Variants in HDAC9 observed in about 807,000 individuals in gnomAD.
The protein encoded by HDAC9 is MEF-2 interacting transcription repressor (MITR) protein.
Under a neutral mutation model 139.4 loss-of-function variants are expected in HDAC9, and 41 were observed. The ratio of observed to expected loss-of-function variants is 0.29; its 90% CI spans 0.23 to 0.38. The LOEUF is 0.38. Among genes scored for constraint, HDAC9 ranks in the 10% least tolerant of loss-of-function variants. The pLI, the probability that HDAC9 is intolerant of heterozygous loss-of-function variation, is 1.00. For synonymous variants in HDAC9, 517 were observed against 476.2 expected, an observed-to-expected ratio of 1.09 and a Z score of -1.12; for missense variants, 1,147 against 1,297.0, an observed-to-expected ratio of 0.88 and a Z score of 1.78.
chr7:18,646,501 A>T (rs1787469147), intron 9 of HDAC9, among the ~76,000 whole-genome samples: 1 of 152,104 alleles, frequency 6.6e-6, no homozygotes, highest in Non-Finnish European at 1.5e-5. Context: ...GATTTGTAGT[A>T]CTCCATTTCT....
chr7:18,356,791 A>G (rs1783345771), intron 1 of HDAC9, among the ~76,000 whole-genome samples: 1 of 152,194 alleles, frequency 6.6e-6, no homozygotes. Flanking sequence ...CGGCTATGCC[A>G]AAAGATAAAT....
At chr7:18,306,710 A>T (rs968536897) in intron 1 of HDAC9, among the ~76,000 whole-genome samples, 1 of 152,196 alleles carries the variant, frequency 6.6e-6, no homozygotes, top group African/African-American at 2.4e-5. Context: ...TGGCAGGATT[A>T]AGTCTTAACT....
At chr7:18,738,734 T>C (rs1787163504) in intron 13 of HDAC9, among the ~76,000 whole-genome samples, 1 of 152,148 alleles carries the variant, frequency 6.6e-6, no homozygotes, top group Admixed American at 6.5e-5. Context: ...GATGATTATG[T>C]GTCTTGGGGT....
rs372163848 is a variant in HDAC9, at chr7:18,929,458, A to C, written c.2804-6351A>C. Among the ~76,000 whole-genome samples the C allele has an allele frequency of 3.3e-5, 5 of 152,336 alleles. No homozygotes were observed. In the East Asian group the frequency reaches 9.6e-4, roughly 29 times the overall value. Reference sequence around the variant, plus strand: ...ATTACCAGTTCAGCTCCACTTGGTCATCAAAAGAAATGATTTGTTACAATG... The same window carrying C: ...ATTACCAGTTCAGCTCCACTTGGTCCTCAAAAGAAATGATTTGTTACAATG... On this transcript the variant is annotated intron_variant, in intron 22 of 25. Transcript: ENST00000686413.
intron 1 of HDAC9, among the ~76,000 whole-genome samples, chr7:18,484,756 C>A (rs970705254): frequency 4.0e-5 from 6 of 151,510 alleles, no homozygotes; most frequent in Non-Finnish European, 8.8e-5. Flanking sequence ...TCTGAAATCA[C>A]GTGAGAAGAT....
chr7:18,161,767 CT>C (rs1761802550), intron 1 of HDAC9, among the ~76,000 whole-genome samples: 1 of 151,906 alleles, frequency 6.6e-6, no homozygotes, highest in African/African-American at 2.4e-5. Flanking sequence ...CCTTTTTGTT[CT>C]TTTTTTAGTC....
chr7:18,238,134 A>G lies in HDAC9; in HGVS notation c.25+75785A>G, dbSNP rs1313382547. On this transcript the variant is annotated intron_variant, in intron 2 of 12. Transcript: ENST00000417496. ...TTAACTTTTAATAATAAAAACTCCAAGTTCTCAAGAGCTAGTTTACTTCCA... is the reference window on the plus strand; with the variant it reads ...TTAACTTTTAATAATAAAAACTCCAGGTTCTCAAGAGCTAGTTTACTTCCA... Among the ~76,000 whole-genome samples the G allele has an allele frequency of 2.6e-5, 4 of 152,248 alleles. No homozygotes were observed. In the South Asian group the frequency reaches 8.3e-4, roughly 31 times the overall value.
chr7:18,270,502 A>G (rs1186985700), intron 2 of HDAC9, among the ~76,000 whole-genome samples: 3 of 152,130 alleles, frequency 2.0e-5, no homozygotes, highest in African/African-American at 7.2e-5. Context: ...CCTTTGTGGG[A>G]TATGGTACAT....
intron 2 of HDAC9, among the ~76,000 whole-genome samples, chr7:18,556,549 T>C (rs973206304): frequency 6.6e-6 from 1 of 152,094 alleles, no homozygotes; most frequent in African/African-American, 2.4e-5. Flanking sequence ...ATAATGTCTA[T>C]TGAATTTTCA....
chr7:18,525,831 A>G (rs561854335), intron 2 of HDAC9, among the ~76,000 whole-genome samples: 115 of 150,494 alleles, frequency 7.6e-4, no homozygotes, highest in African/African-American at 2.8e-3. Flanking sequence ...CCTGACTTTG[A>G]GAAATTACAA....
At chr7:18,095,315 A>G (rs1404394289) in intron 1 of HDAC9, among the ~76,000 whole-genome samples, 3 of 152,200 alleles carry the variant, frequency 2.0e-5, no homozygotes, top group African/African-American at 7.2e-5. Context: ...ATGGAATTCT[A>G]GTATTAATTG....
chr7:18,204,096 G>A (rs1226933112), intron 2 of HDAC9, among the ~76,000 whole-genome samples: 1 of 152,034 alleles, frequency 6.6e-6, no homozygotes, highest in South Asian at 2.1e-4. Flanking sequence ...GAAACAAAGA[G>A]GGACCTCCAT....
chr7:18,942,957 G>T (rs1782122323), intron 23 of HDAC9, among the ~76,000 whole-genome samples: 1 of 151,788 alleles, frequency 6.6e-6, no homozygotes, highest in Non-Finnish European at 1.5e-5. Flanking sequence ...AAAAATTAAA[G>T]AAAATATTGA....
intron 1 of HDAC9, among the ~76,000 whole-genome samples, chr7:18,348,184 T>G (rs1782572549): frequency 6.6e-6 from 1 of 152,186 alleles, no homozygotes; most frequent in Admixed American, 6.5e-5. Context: ...CAGGTAATTC[T>G]TATGATCAGG....
intron 1 of HDAC9, among the ~76,000 whole-genome samples, chr7:18,160,459 A>G (rs181450001): frequency 6.6e-5 from 10 of 152,330 alleles, no homozygotes; most frequent in Non-Finnish European, 8.8e-5. Flanking sequence ...TATGAAGCAG[A>G]TAGCATCTCA....
chr7:18,842,815 TG>T (rs1433898900), intron 21 of HDAC9, among the ~76,000 whole-genome samples: 1 of 152,140 alleles, frequency 6.6e-6, no homozygotes, highest in East Asian at 1.9e-4. Context: ...TATGCACACC[TG>T]TCTTCCTAGG....
intron 2 of HDAC9, among the ~76,000 whole-genome samples, chr7:18,279,527 G>A (rs1225324685): frequency 6.6e-6 from 1 of 151,652 alleles, no homozygotes; most frequent in Admixed American, 6.6e-5. Flanking sequence ...GCGCAGTGGC[G>A]TGATCTCAGC....
At chr7:18,313,775 T>G (rs1286502398) in intron 1 of HDAC9, among the ~76,000 whole-genome samples, 1 of 152,200 alleles carries the variant, frequency 6.6e-6, no homozygotes, top group Non-Finnish European at 1.5e-5. Context: ...TGTTAAATCA[T>G]GTGGGCTGCA....
intron 17 of HDAC9, among the ~76,000 whole-genome samples, chr7:18,814,672 A>G (rs1585086081): frequency 6.6e-6 from 1 of 152,310 alleles, no homozygotes; most frequent in South Asian, 2.1e-4. Flanking sequence ...TATGTACCTA[A>G]TGCCACATAA....
Sources: gnomAD v4.1 joint callset for allele counts (sites outside exome capture counted in the v4.1 genomes callset) on GRCh38, gnomAD v4.1.1 for gene constraint, MANE v1.5 for transcripts, NCBI Gene and HGNC (gene_info 2026-07-23, HGNC 2026-07-21) for gene names.